Variants in CFH observed in about 807,000 individuals in gnomAD.
CFH encodes the protein complement factor H, also known as H factor 1 (complement).
A neutral mutation model predicts 147.3 loss-of-function variants in CFH; 53 were observed. The observed-to-expected ratio is 0.36, with a 90% CI of 0.29 to 0.45. The LOEUF (loss-of-function observed/expected upper bound fraction) is 0.45, where lower values mean the gene tolerates loss of function less well. CFH is among the 20% of genes least tolerant of loss of function. CFH has a pLI of 1.00. For synonymous variants in CFH, 536 were observed against 489.4 expected (o/e 1.10, Z -1.26); for missense variants, 1,380 against 1,498.0 (o/e 0.92, Z 1.30).
chr1:196,741,692 A>C (rs988440728), intron 18 of CFH, 183 bp from the exon 19 acceptor site: 2 of 590,918 alleles, frequency 3.4e-6, no homozygotes, highest in Admixed American at 6.1e-5. Flanking sequence ...TGTATTTTTA[A>C]TAGATTTAGA....
At chr1:196,669,768 A>C (rs1268998663) in intron 1 of CFH, among the ~76,000 whole-genome samples, 3 of 152,236 alleles carry the variant, frequency 2.0e-5, no homozygotes, top group Admixed American at 6.5e-5. Flanking sequence ...GCCCCCACAC[A>C]GAGGTCCCAG....
rs1222587264 is a variant in CFH at position 196,692,798 on chromosome 1, C to CTTTT, written c.1336+2562_1336+2563insTTTT. On this transcript the variant is annotated intron_variant, in intron 9 of 21. Coordinates refer to ENST00000367429, the MANE Select transcript of CFH (RefSeq NM_000186.4). ...TCTTTCTTTCTTTCTTTCTTTCTTTCTTTCTTTCTTTCTTTCTTTCTTTCT... is the reference window on the plus strand; with the variant it reads ...TCTTTCTTTCTTTCTTTCTTTCTTTCTTTTTTTCTTTCTTTCTTTCTTTCTTTCT... Among the ~76,000 whole-genome samples, 3 of 68,600 alleles carry CTTTT rather than the reference C, an allele frequency of 4.4e-5. No homozygotes were observed. The East Asian group carries it at 1.2e-3, about 28-fold the overall frequency. 45.0% of individuals were successfully genotyped at this position (68,600 alleles called of 152,430 possible).
intron 15 of CFH, among the ~76,000 whole-genome samples, chr1:196,735,650 G>T (rs1318378139): frequency 3.3e-5 from 5 of 151,910 alleles, no homozygotes; most frequent in Non-Finnish European, 7.4e-5. Flanking sequence ...CTAGAAGGTA[G>T]ACAGGAATGT....
chr1:196,731,349 A>G (rs1341152503), intron 15 of CFH, among the ~76,000 whole-genome samples: 2 of 151,940 alleles, frequency 1.3e-5, no homozygotes, highest in African/African-American at 4.8e-5. Flanking sequence ...AGGTATTTTA[A>G]GCTGATAGGA....
At chr1:196,665,388 T>C (rs1269816271) in intron 1 of CFH, among the ~76,000 whole-genome samples, 1 of 150,880 alleles carries the variant, frequency 6.6e-6, no homozygotes, top group Non-Finnish European at 1.5e-5. Context: ...TAATTATAGA[T>C]AGATGGCACT....
intron 12 of CFH, 142 bp from the exon 13 acceptor site, chr1:196,726,328 C>A (rs1669135746): frequency 4.5e-6 from 3 of 668,154 alleles, no homozygotes; most frequent in African/African-American, 3.6e-5. Flanking sequence ...ATATGAACAC[C>A]ATTCTTGATT....
At position 196,659,754 on chromosome 1, in the gene CFH, C is replaced by T. The variant is rs373881762; in HGVS notation, c.58+7579C>T. 7.8e-4 allele frequency among the ~76,000 whole-genome samples: 119 copies of T among 152,220 alleles called. 1 individual carries two copies. Among genetic ancestry groups the T allele is most frequent in the African/African-American group, 2.8e-3 (115 of 41,528 alleles). ...CTGTGTGTCTTACAGGGAGGGGCTT[C>T]CACTCAGACCTGTTTTGGATAATCC... On this transcript the variant is annotated intron_variant, in intron 1 of 21. Transcript: ENST00000367429.
Position 196,673,960 on chromosome 1 carries a change from G to A in CFH, c.348G>A (p.Glu116=), listed in dbSNP as rs185763958. ...TAAAAGCTGTGTATACATGTAATGA[G>A]GGGTATGTAGTCCATACGAAAAGAG... is the stretch of plus-strand genomic sequence containing the variant. The part of the protein sequence containing the change: ...YGVKAVYTCN[E]GYQLLGEINY... Residue 116 remains glutamate (E), a splice_region_variant and synonymous_variant, in exon 3 of 22, where the codon GAG becomes GAA. Coordinates refer to ENST00000367429, the MANE Select transcript of CFH (RefSeq NM_000186.4). The A allele has an allele frequency of 2.1e-4, 331 of 1,591,140 alleles. No homozygotes were observed. Among genetic ancestry groups the A allele is most frequent in the Non-Finnish European group, 2.6e-4 (297 of 1,159,384 alleles).
intron 6 of CFH, among the ~76,000 whole-genome samples, chr1:196,682,678 G>T (rs1018758934): frequency 6.6e-6 from 1 of 150,972 alleles, no homozygotes. Flanking sequence ...CAGAAAAAAA[G>T]AAAAAAGGAA....
At position 196,715,601 on chromosome 1, in the gene CFH, G is replaced by T. The variant is rs1423350922; in HGVS notation, c.1528G>T (p.Asp510Tyr). The T allele has an allele frequency of 5.0e-6, 8 of 1,610,646 alleles. No homozygotes were observed. The highest frequency in any genetic ancestry group is 1.7e-4 in the Middle Eastern group (1 of 6,044). The stretch of plus-strand genomic sequence containing the variant: ...AATTTTTTATGCACTAGAATCTTGT[G>T]ATATCCCAGTATTTATGAATGCCAG... ...SAQPTCIKSC[D>Y]IPVFMNARTK... is the part of the protein sequence containing the mutation. The change falls in exon 11 of 22, where the codon GAT becomes TAT. Residue 510 changes from aspartate (D) to tyrosine (Y), a missense_variant. Around this residue, in one of 4 missense-constraint regions of CFH, gnomAD observed 830 missense variants for 821.4 expected, o/e 1.01. Transcript: ENST00000367429.
chr1:196,701,284 T>G (rs923089669), intron 9 of CFH: 3 of 1,613,602 alleles, frequency 1.9e-6, no homozygotes, highest in Non-Finnish European at 2.5e-6. Context: ...CAAGCCTAAC[T>G]CAGGGTAATC....
chr1:196,714,635 GTATATATATATATATATATA>G lies in CFH; in HGVS notation c.1519+733_1519+752del, dbSNP rs1176351357. On this transcript the variant is annotated intron_variant, in intron 10 of 21. Coordinates refer to ENST00000367429, the MANE Select transcript of CFH (RefSeq NM_000186.4). ...TGTGTGTGTGTGTATACGTATATAT[GTATATATATATATATATATA>G]TATATATATATATAGAGAGAGAGAG... Among the ~76,000 whole-genome samples, 4 of 24,924 alleles carry G rather than the reference GTATATATATATATATATATA, an allele frequency of 1.6e-4. No individual in the cohort carries two copies. The Admixed American group carries it at 2.2e-3, about 14-fold the overall frequency. The allele number at this position is 24,924 out of a possible 152,430, so 16.4% of individuals were successfully genotyped here.
At chr1:196,675,952 A>G (rs748855994) in intron 3 of CFH, 37 bp from the exon 4 acceptor site, 4 of 1,368,728 alleles carry the variant, frequency 2.9e-6, no homozygotes, top group Non-Finnish European at 4.2e-6. Context: ...ATGTAAACAC[A>G]CATTATGTCA....
intron 1 of CFH, among the ~76,000 whole-genome samples, chr1:196,662,089 A>C (rs1287606872): frequency 6.6e-6 from 1 of 152,166 alleles, no homozygotes; most frequent in Non-Finnish European, 1.5e-5. Context: ...GACCTTTCAA[A>C]TGATTTGATC....
chr1:196,660,863 C>T (rs570975658), intron 1 of CFH, among the ~76,000 whole-genome samples: 1 of 152,224 alleles, frequency 6.6e-6, no homozygotes, highest in Admixed American at 6.5e-5. Context: ...GAATTAGGGG[C>T]ACAAACGTAT....
At chr1:196,684,990 T>G in intron 6 of CFH, 74 bp from the exon 7 acceptor site, 1 of 1,184,222 alleles carries the variant, frequency 8.4e-7, no homozygotes, top group Non-Finnish European at 1.2e-6. Context: ...CACCCACTTT[T>G]AAATGTTTAT....
At chr1:196,732,085 G>T (rs1266489644) in intron 15 of CFH, among the ~76,000 whole-genome samples, 1 of 151,830 alleles carries the variant, frequency 6.6e-6, no homozygotes, top group Non-Finnish European at 1.5e-5. Context: ...CTGTATCGTT[G>T]TGTTTCTTTC....
chr1:196,683,680 G>A (rs1455914310), intron 6 of CFH, among the ~76,000 whole-genome samples: 1 of 151,652 alleles, frequency 6.6e-6, no homozygotes, highest in African/African-American at 2.4e-5. Context: ...AAGCTAACCT[G>A]AATTTGAAAG....
At chr1:196,658,758 C>A (rs1167525352) in intron 1 of CFH, among the ~76,000 whole-genome samples, 1 of 151,842 alleles carries the variant, frequency 6.6e-6, no homozygotes, top group Non-Finnish European at 1.5e-5. Flanking sequence ...TTTGTAGAGA[C>A]AGGGTTTCAC....
Sources: gnomAD v4.1 joint callset for allele counts (sites outside exome capture counted in the v4.1 genomes callset) on GRCh38, gnomAD v4.1.1 for gene constraint, gnomAD v4.1.1 regional missense constraint, MANE v1.5 for transcripts, NCBI Gene and HGNC (gene_info 2026-07-23, HGNC 2026-07-21) for gene names.